The following PCDHA4 variants were observed in gnomAD, a reference collection of about 807,000 sequenced individuals.
PCDHA4 encodes the protein protocadherin alpha-4.
Under a neutral mutation model 61.4 loss-of-function variants are expected in PCDHA4, and 49 were observed. The observed-to-expected ratio is 0.80, with a 90% confidence interval of 0.63 to 1.01. PCDHA4 has a LOEUF of 1.01. Ranked by LOEUF, PCDHA4 falls within the 50% of genes least tolerant of loss-of-function variation. The probability of loss-of-function intolerance (pLI) is 0.00; values close to 1 mark genes in which losing one functional copy is unlikely to be tolerated. For synonymous variants in PCDHA4, 590 were observed against 550.3 expected (o/e 1.07, Z -1.01); for missense variants, 1,254 against 1,235.8 (o/e 1.01, Z -0.22).
At chr5:140,865,729 G>A (rs1325219094) in intron 1 of PCDHA4, 2 of 152,136 alleles carry the variant, frequency 1.3e-5, no homozygotes, top group Non-Finnish European at 2.9e-5. Context: ...GCTGAGATGT[G>A]TATCTATTTT....
intron 1 of PCDHA4, chr5:140,811,807 A>G (rs1189354264): frequency 2.0e-5 from 3 of 152,152 alleles, no homozygotes; most frequent in African/African-American, 7.2e-5. Context: ...TCTTTTGAGA[A>G]GTGTCTGTTC....
chr5:140,870,346 G>C (rs782365260), intron 1 of PCDHA4: 2 of 1,614,236 alleles, frequency 1.2e-6, no homozygotes, highest in Non-Finnish European at 1.7e-6. Context: ...CCTGGACCGC[G>C]AGAACGTGTG....
Position 140,993,289 on chromosome 5 carries a change from C to T in PCDHA4, c.2533+10726C>T, listed in dbSNP as rs148346866. Among the ~76,000 whole-genome samples the T allele has an allele frequency of 3.6e-3, 552 of 152,140 alleles. 3 individuals are homozygous for T. The highest frequency in any genetic ancestry group is 0.01 in the Middle Eastern group (3 of 294). On this transcript the variant is annotated intron_variant, in intron 3 of 3. Coordinates refer to ENST00000530339, the MANE Select transcript of PCDHA4 (RefSeq NM_018907.4). ...TCTTTGGTCTTTTCTTGCCCAGGGTCACAACCTTGCCTCCAGGATAATACC... is the reference window on the plus strand; with the variant it reads ...TCTTTGGTCTTTTCTTGCCCAGGGTTACAACCTTGCCTCCAGGATAATACC...
At chr5:140,991,614 A>G (rs1554252334) in intron 3 of PCDHA4, among the ~76,000 whole-genome samples, 2 of 152,194 alleles carry the variant, frequency 1.3e-5, no homozygotes, top group Non-Finnish European at 2.9e-5. Flanking sequence ...AGCACCTTTA[A>G]TGCCATATTT....
At chr5:140,856,940 A>G (rs2044280502) in intron 1 of PCDHA4, 1 of 1,593,596 alleles carries the variant, frequency 6.3e-7, no homozygotes, top group African/African-American at 1.3e-5. Context: ...AAACGAAAGG[A>G]CGGGAGAAAT....
intron 1 of PCDHA4, among the ~76,000 whole-genome samples, chr5:140,908,968 C>T (rs1201886997): frequency 6.6e-6 from 1 of 152,092 alleles, no homozygotes; most frequent in African/African-American, 2.4e-5. Flanking sequence ...TCTTGATAGG[C>T]CCCACTCCAC....
chr5:140,822,562 C>T, intron 1 of PCDHA4: 2 of 1,613,262 alleles, frequency 1.2e-6, no homozygotes, highest in Non-Finnish European at 1.7e-6. Context: ...AGTTATTAAA[C>T]TGAACGCCTC....
chr5:140,962,288 A>G (rs1310558261), intron 1 of PCDHA4, among the ~76,000 whole-genome samples: 2 of 152,192 alleles, frequency 1.3e-5, no homozygotes, highest in African/African-American at 4.8e-5. Flanking sequence ...TCAACCTTTA[A>G]TATTCTATGA....
intron 1 of PCDHA4, chr5:140,831,338 AATTT>A (rs1275067548): frequency 6.7e-6 from 1 of 149,500 alleles, no homozygotes; most frequent in East Asian, 2.0e-4. Context: ...TCTACACAGT[AATTT>A]AAACTATTCA....
intron 1 of PCDHA4, chr5:140,842,813 C>T (rs2150188208): frequency 2.5e-6 from 4 of 1,593,972 alleles, no homozygotes; most frequent in Non-Finnish European, 3.4e-6. Flanking sequence ...TGTGGAGCGG[C>T]GGGTGGGCGA....
chr5:140,813,619 T>C (rs1554126251), intron 1 of PCDHA4: 1 of 152,184 alleles, frequency 6.6e-6, no homozygotes, highest in Non-Finnish European at 1.5e-5. Flanking sequence ...GGTGAGTGAA[T>C]GTGAAGGCCC....
rs2150347261 is a variant in PCDHA4, at chr5:140,842,884, G to A, written c.2385+33312G>A. ...AGAGCGGCAAGGTGTACGCGCTGCA[G>A]CCGCTGGACCACGAGGAGCTAGAGC... On this transcript the variant is annotated intron_variant, in intron 1 of 3. Transcript: ENST00000530339. 17 of 1,594,074 alleles carry A rather than the reference G, an allele frequency of 1.1e-5. 3 individuals are homozygous for A. The African/African-American group carries it at 1.8e-4, about 16-fold the overall frequency.
chr5:140,815,045 T>A (rs1042274991), intron 1 of PCDHA4: 4 of 152,212 alleles, frequency 2.6e-5, no homozygotes, highest in South Asian at 2.1e-4. Context: ...GAAATTTTTT[T>A]AATATCCTTT....
Position 140,979,061 on chromosome 5 carries a change from A to G in PCDHA4, c.2444+54A>G, listed in dbSNP as rs374803810. 155 of 1,605,246 alleles carry G rather than the reference A, an allele frequency of 9.7e-5. No individual in the cohort carries two copies. The African/African-American group carries it at 1.8e-3, about 19-fold the overall frequency. On this transcript the variant is annotated intron_variant, in intron 2 of 3. Coordinates refer to ENST00000530339, the MANE Select transcript of PCDHA4 (RefSeq NM_018907.4). ...AAGTAACCTTAACTTGGTATGGCTC[A>G]GATAAACTGCATCTCCATAGGCCAG...
chr5:140,866,460 A>G (rs2049371963), intron 1 of PCDHA4: 1 of 152,148 alleles, frequency 6.6e-6, no homozygotes, highest in Non-Finnish European at 1.5e-5. Context: ...TTGGCTGGGA[A>G]GCTCATAACA....
chr5:140,808,530 T>G lies in PCDHA4; in HGVS notation c.1343T>G (p.Val448Gly). ...TASVSVEVAD[V>G]NDNAPAFAQP... ...AGTGTTTCTGTGGAGGTGGCTGATG[T>G]GAACGACAACGCTCCGGCGTTCGCG... The change falls in exon 1 of 4, where the codon GTG becomes GGG. Residue 448 changes from valine to glycine, a missense_variant. Val to Gly is a moderately radical substitution (Grantham distance 109). Coordinates refer to ENST00000530339, the MANE Select transcript of PCDHA4 (RefSeq NM_018907.4). 1 of 1,614,148 alleles carries G rather than the reference T, an allele frequency of 6.2e-7. No homozygotes were observed. The highest frequency in any genetic ancestry group is 2.2e-5 in the East Asian group (1 of 44,876).
intron 1 of PCDHA4, among the ~76,000 whole-genome samples, chr5:140,881,772 C>A (rs1253242879): frequency 6.6e-6 from 1 of 152,200 alleles, no homozygotes; most frequent in Admixed American, 6.5e-5. Context: ...CATGACTATG[C>A]AGAACTACCG....
rs1554124343 is a variant in PCDHA4 at position 140,807,918 on chromosome 5, G to T, written c.731G>T (p.Arg244Ile). The part of the protein sequence containing the change: ...DANDNAPAFD[R>I]TIYKVRLLEN... ...AATGACAATGCCCCAGCTTTTGACA[G>T]AACCATTTATAAGGTGAGATTACTA... The change falls in exon 1 of 4, where the codon AGA (arginine) becomes ATA (isoleucine). Residue 244 changes from arginine (R) to isoleucine (I), a missense_variant. Arg to Ile is a moderately conservative substitution (Grantham distance 97). Transcript: ENST00000530339. 6.2e-7 allele frequency: 1 copy of T among 1,614,094 alleles called. No homozygotes were observed. Among genetic ancestry groups the T allele is most frequent in the Admixed American group, 1.7e-5 (1 of 60,022 alleles).
chr5:140,886,689 G>C (rs1267444522), intron 1 of PCDHA4, among the ~76,000 whole-genome samples: 5 of 152,022 alleles, frequency 3.3e-5, no homozygotes, highest in African/African-American at 1.2e-4. Flanking sequence ...AGCGAGGCAT[G>C]GTGGCACGCG....
Sources: gnomAD v4.1 joint callset for allele counts (sites outside exome capture counted in the v4.1 genomes callset) on GRCh38, gnomAD v4.1.1 for gene constraint, MANE v1.5 for transcripts, NCBI Gene and HGNC (gene_info 2026-07-23, HGNC 2026-07-21) for gene names.